The following AP3B1 variants were observed in gnomAD, a reference collection of about 807,000 sequenced individuals.
AP3B1 encodes the protein AP-3 complex subunit beta-1.
AP3B1 carries 61 observed loss-of-function variants against 132.5 expected under a neutral mutation model. The observed-to-expected ratio is 0.46, with a 90% CI of 0.37 to 0.57. The LOEUF is 0.57. AP3B1 is among the 20% of genes least tolerant of loss of function. The probability of loss-of-function intolerance (pLI) is 0.00; values close to 1 mark genes in which losing one functional copy is unlikely to be tolerated. For synonymous variants in AP3B1, 388 were observed against 438.3 expected, an observed-to-expected ratio of 0.89 and a Z score of 1.43; for missense variants, 1,120 against 1,289.4, an observed-to-expected ratio of 0.87 and a Z score of 2.01.
chr5:78,279,907 A>AATATATATATATGATTTAAAT (rs1554035367), intron 1 of AP3B1, among the ~76,000 whole-genome samples: 2 of 114,376 alleles, frequency 1.7e-5, no homozygotes, highest in Non-Finnish European at 3.7e-5. Context: ...ATATGACTTA[A>AATATATATATATGATTTAAAT]ATATATATAT....
At chr5:78,020,241 A>C (rs560255531) in intron 25 of AP3B1, among the ~76,000 whole-genome samples, 1 of 152,258 alleles carries the variant, frequency 6.6e-6, no homozygotes, top group South Asian at 2.1e-4. Flanking sequence ...CATAATTAGG[A>C]GTTTATTTTG....
chr5:78,167,017 G>A (rs1419702288), intron 11 of AP3B1, among the ~76,000 whole-genome samples: 2 of 152,186 alleles, frequency 1.3e-5, no homozygotes, highest in South Asian at 2.1e-4. Context: ...AAACTAGAAA[G>A]CTTCTGCACA....
Position 78,216,239 on chromosome 5 carries a change from T to C in AP3B1, c.604-2A>G. The C allele has an allele frequency of 6.2e-7, 1 of 1,613,356 alleles. No homozygotes were observed. Among genetic ancestry groups the C allele is most frequent in the Non-Finnish European group, 8.5e-7 (1 of 1,179,646 alleles). ...CATCACAACACTGCCAGCTACCAAC[T>C]AGAAAAGAAAGAAATAGTAACTTAT... On this transcript the variant is annotated splice_acceptor_variant, in intron 6 of 26. Coordinates refer to ENST00000255194, the MANE Select transcript of AP3B1 (RefSeq NM_003664.5). LOFTEE classifies it high-confidence loss of function.
intron 7 of AP3B1, among the ~76,000 whole-genome samples, chr5:78,190,177 T>C (rs1020666216): frequency 2.6e-5 from 4 of 152,154 alleles, no homozygotes; most frequent in Non-Finnish European, 5.9e-5. Context: ...ATGTTGCTTA[T>C]AGCTAAAATA....
At chr5:78,155,440 T>C (rs1400797807) in intron 14 of AP3B1, among the ~76,000 whole-genome samples, 3 of 152,174 alleles carry the variant, frequency 2.0e-5, no homozygotes, top group East Asian at 1.9e-4. Context: ...TGGTGCTTTT[T>C]TGTGTGTAAT....
At chr5:78,062,283 A>G (rs1749091720) in intron 22 of AP3B1, among the ~76,000 whole-genome samples, 1 of 152,194 alleles carries the variant, frequency 6.6e-6, no homozygotes, top group Non-Finnish European at 1.5e-5. Context: ...TGGAGACAAC[A>G]TTGTTAACTC....
intron 26 of AP3B1, 48 bp downstream of exon 26, chr5:78,015,362 A>T: frequency 6.3e-7 from 1 of 1,579,440 alleles, no homozygotes; most frequent in South Asian, 1.1e-5. Context: ...ATATATTTAT[A>T]CATATTCAAG....
intron 14 of AP3B1, among the ~76,000 whole-genome samples, chr5:78,154,634 T>G (rs1467339410): frequency 6.6e-6 from 1 of 152,172 alleles, no homozygotes; most frequent in Non-Finnish European, 1.5e-5. Flanking sequence ...TGCTTCATTC[T>G]TTTATATTCT....
At chr5:78,160,505 C>T (rs1016852620) in intron 13 of AP3B1, among the ~76,000 whole-genome samples, 5 of 152,000 alleles carry the variant, frequency 3.3e-5, no homozygotes, top group Admixed American at 3.3e-4. Context: ...AGGCTCTTAA[C>T]AACACACACA....
At chr5:78,109,387 T>C (rs1456883114) in intron 20 of AP3B1, among the ~76,000 whole-genome samples, 6 of 152,118 alleles carry the variant, frequency 3.9e-5, no homozygotes, top group Admixed American at 3.3e-4. Flanking sequence ...GAGATTCCAG[T>C]TAACAGAACA....
chr5:78,028,366 A>G (rs1561361560), intron 24 of AP3B1, among the ~76,000 whole-genome samples: 1 of 151,696 alleles, frequency 6.6e-6, no homozygotes, highest in Non-Finnish European at 1.5e-5. Flanking sequence ...AGGCTGAGGC[A>G]GGCAAGAGAA....
chr5:78,216,379 GA>G, intron 6 of AP3B1, 142 bp from the exon 7 acceptor site: 1 of 807,238 alleles, frequency 1.2e-6, no homozygotes, highest in Non-Finnish European at 2.0e-6. Flanking sequence ...GTTCATGTTT[GA>G]ATAACAAACT....
chr5:78,028,587 CT>C (rs1461215616), intron 24 of AP3B1, among the ~76,000 whole-genome samples: 1 of 152,004 alleles, frequency 6.6e-6, no homozygotes, highest in Non-Finnish European at 1.5e-5. Flanking sequence ...CCTTGTTTTG[CT>C]TTTCTGACTT....
intron 7 of AP3B1, among the ~76,000 whole-genome samples, chr5:78,192,726 T>C (rs1320848736): frequency 6.6e-6 from 1 of 152,278 alleles, no homozygotes. Flanking sequence ...GGTGATTAGG[T>C]CATGAAGACG....
intron 21 of AP3B1, 33 bp downstream of exon 21, chr5:78,100,920 C>G (rs1305075366): frequency 8.5e-6 from 11 of 1,298,936 alleles, no homozygotes; most frequent in South Asian, 3.9e-5. Flanking sequence ...TCTTACTAAA[C>G]ACAGAAGAAA....
At chr5:78,244,369 C>A (rs767216995) in intron 2 of AP3B1, among the ~76,000 whole-genome samples, 2 of 151,710 alleles carry the variant, frequency 1.3e-5, no homozygotes, top group South Asian at 2.1e-4. Flanking sequence ...GCCGAGATCA[C>A]GCCACTGCAC....
chr5:78,024,693 T>C (rs1175176584), intron 24 of AP3B1, among the ~76,000 whole-genome samples: 2 of 151,626 alleles, frequency 1.3e-5, no homozygotes, highest in South Asian at 4.2e-4. Context: ...GCCTCCCTAG[T>C]AGCCGGGATT....
At chr5:78,074,173 T>C (rs978638400) in intron 22 of AP3B1, among the ~76,000 whole-genome samples, 3 of 152,130 alleles carry the variant, frequency 2.0e-5, no homozygotes, top group Non-Finnish European at 4.4e-5. Flanking sequence ...CAATCTCTTT[T>C]TAAAAAGTAG....
intron 22 of AP3B1, among the ~76,000 whole-genome samples, chr5:78,073,153 C>T (rs1749617548): frequency 6.6e-6 from 1 of 152,184 alleles, no homozygotes; most frequent in Non-Finnish European, 1.5e-5. Context: ...ATGTATTCTA[C>T]AGCTAAATTC....
Sources: gnomAD v4.1 joint callset for allele counts (sites outside exome capture counted in the v4.1 genomes callset) on GRCh38, gnomAD v4.1.1 for gene constraint, MANE v1.5 for transcripts, NCBI Gene and HGNC (gene_info 2026-07-23, HGNC 2026-07-21) for gene names.